RAPGEF5: variants seen among roughly 807,000 people sequenced by gnomAD.
RAPGEF5 encodes the protein Rap guanine nucleotide exchange factor 5.
RAPGEF5 carries 65 observed loss-of-function variants against 125.2 expected under a neutral mutation model. That is an observed-to-expected ratio of 0.52 (90% confidence interval 0.43 to 0.64). The LOEUF is 0.64. Ranked by LOEUF, RAPGEF5 falls within the 30% of genes least tolerant of loss-of-function variation. The probability of loss-of-function intolerance (pLI) is 0.00; values close to 1 mark genes in which losing one functional copy is unlikely to be tolerated. For missense variants in RAPGEF5, 958 were observed against 1,048.1 expected (o/e 0.91, Z 1.19); for synonymous variants, 391 against 385.9 (o/e 1.01, Z -0.16).
At chr7:22,316,540 G>T (rs1019891230) in intron 2 of RAPGEF5, among the ~76,000 whole-genome samples, 1 of 139,948 alleles carries the variant, frequency 7.1e-6, no homozygotes, top group African/African-American at 2.7e-5. Flanking sequence ...ACCCAAGCTG[G>T]AGTTCAGTGG....
intron 5 of RAPGEF5, 100 bp from the exon 6 acceptor site, chr7:22,291,341 A>C: frequency 7.0e-7 from 1 of 1,430,532 alleles, no homozygotes; most frequent in Non-Finnish European, 9.1e-7. Flanking sequence ...CATTGTTATT[A>C]TATTAGCAAA....
intron 7 of RAPGEF5, among the ~76,000 whole-genome samples, chr7:22,258,451 T>C (rs533973764): frequency 3.8e-4 from 57 of 151,624 alleles, no homozygotes; most frequent in African/African-American, 1.4e-3. Flanking sequence ...AGAAACCCTG[T>C]CTCTACTAAA....
Position 22,308,481 on chromosome 7 carries a change from T to C in RAPGEF5, c.538A>G (p.Thr180Ala). The change falls in exon 5 of 26, where the codon ACT becomes GCT. Residue 180 changes from threonine (T) to alanine (A), a missense_variant. Transcript: ENST00000665637. ...GAGGAAAACTGGTAGAAAACATAAGTATCTTGAAAGTATAGATGCTGGTCC... is the reference window on the plus strand; with the variant it reads ...GAGGAAAACTGGTAGAAAACATAAGCATCTTGAAAGTATAGATGCTGGTCC... ...SVDQHLYFQD[T>A]YVFYQFSSDE... is the part of the protein sequence containing the mutation. The C allele has an allele frequency of 6.4e-7, 1 of 1,563,018 alleles. No individual in the cohort carries two copies. Among genetic ancestry groups the C allele is most frequent in the Non-Finnish European group, 8.7e-7 (1 of 1,152,040 alleles).
intron 5 of RAPGEF5, among the ~76,000 whole-genome samples, chr7:22,292,121 C>A (rs1248672206): frequency 6.6e-6 from 1 of 152,116 alleles, no homozygotes; most frequent in East Asian, 1.9e-4. Context: ...GGTCACTGCC[C>A]TGCAGAGCAG....
At chr7:22,317,322 G>A (rs1783623823) in intron 2 of RAPGEF5, among the ~76,000 whole-genome samples, 1 of 149,632 alleles carries the variant, frequency 6.7e-6, no homozygotes, top group South Asian at 2.1e-4. Flanking sequence ...CTCACTGCAA[G>A]CTCCGCCTCC....
intron 7 of RAPGEF5, among the ~76,000 whole-genome samples, chr7:22,235,612 G>A (rs182826814): frequency 4.6e-5 from 7 of 152,330 alleles, no homozygotes; most frequent in African/African-American, 1.7e-4. Flanking sequence ...TACATGTTCT[G>A]TGGGTTGTGG....
intron 1 of RAPGEF5, among the ~76,000 whole-genome samples, chr7:22,329,187 C>T (rs990363205): frequency 2.0e-5 from 3 of 152,208 alleles, no homozygotes; most frequent in Admixed American, 2.0e-4. Context: ...TGCTTTCAAT[C>T]TGCATGAAAT....
chr7:22,305,383 T>G (rs1783312711), intron 5 of RAPGEF5, among the ~76,000 whole-genome samples: 1 of 152,200 alleles, frequency 6.6e-6, no homozygotes, highest in South Asian at 2.1e-4. Context: ...GTATTGTCAT[T>G]TAACAGGAGA....
At chr7:22,130,182 AG>A (rs3840577) in intron 24 of RAPGEF5, among the ~76,000 whole-genome samples, 2,044 of 152,344 alleles carry the variant, frequency 0.013, 20 homozygotes, top group East Asian at 0.04. Flanking sequence ...TTAACCATGA[AG>A]GACAGTTTAC....
At chr7:22,344,838 C>A (rs1583593958) in intron 1 of RAPGEF5, among the ~76,000 whole-genome samples, 1 of 152,310 alleles carries the variant, frequency 6.6e-6, no homozygotes, top group African/African-American at 2.4e-5. Flanking sequence ...CAATAAAGTT[C>A]TTATAGTCAG....
chr7:22,222,504 G>T (rs1040711756), intron 8 of RAPGEF5, among the ~76,000 whole-genome samples: 2 of 152,184 alleles, frequency 1.3e-5, no homozygotes, highest in Non-Finnish European at 2.9e-5. Flanking sequence ...CAGAGGAACA[G>T]CAAGTACAAG....
intron 20 of RAPGEF5, among the ~76,000 whole-genome samples, chr7:22,141,064 TG>T (rs142016875): frequency 0.02 from 3,082 of 152,316 alleles, 113 homozygotes; most frequent in African/African-American, 0.071. Context: ...ATGTCTCACA[TG>T]GAATCTGGGA....
chr7:22,177,852 G>A (rs1784555940), intron 11 of RAPGEF5, among the ~76,000 whole-genome samples: 2 of 152,114 alleles, frequency 1.3e-5, no homozygotes, highest in Non-Finnish European at 2.9e-5. Flanking sequence ...AACCCATCCG[G>A]TTTAGGGGAA....
chr7:22,258,648 AAG>A (rs1369433085), intron 7 of RAPGEF5, among the ~76,000 whole-genome samples: 8 of 147,078 alleles, frequency 5.4e-5, no homozygotes, highest in Admixed American at 1.4e-4. Flanking sequence ...AAAAAAAAAA[AAG>A]AATAGACAAA....
intron 11 of RAPGEF5, 177 bp downstream of exon 11, chr7:22,193,190 A>C (rs1785048993): frequency 3.0e-6 from 2 of 661,344 alleles, no homozygotes; most frequent in Non-Finnish European, 5.1e-6. Context: ...TGGGATCTAC[A>C]TGTGTCCATT....
chr7:22,316,848 T>C (rs1783609761), intron 2 of RAPGEF5, among the ~76,000 whole-genome samples: 2 of 151,812 alleles, frequency 1.3e-5, no homozygotes, highest in South Asian at 4.2e-4. Flanking sequence ...ATATAATGAT[T>C]ATGATTTGAC....
chr7:22,178,692 G>A (rs534191972), intron 11 of RAPGEF5, among the ~76,000 whole-genome samples: 1 of 152,262 alleles, frequency 6.6e-6, no homozygotes, highest in Non-Finnish European at 1.5e-5. Context: ...CTATCTTCAT[G>A]GCACATGGAT....
chr7:22,138,631 G>A (rs1452996582), intron 21 of RAPGEF5, among the ~76,000 whole-genome samples: 2 of 152,300 alleles, frequency 1.3e-5, no homozygotes, highest in East Asian at 1.9e-4. Flanking sequence ...CCCAGAGGCA[G>A]AATGAGTCCC....
chr7:22,171,004 T>C (rs902556379), intron 11 of RAPGEF5, among the ~76,000 whole-genome samples: 2 of 151,916 alleles, frequency 1.3e-5, no homozygotes, highest in Non-Finnish European at 2.9e-5. Context: ...AGCTTTCCTT[T>C]ATTCTTTTCC....
Sources: allele counts gnomAD v4.1 joint callset (sites outside exome capture counted in the v4.1 genomes callset), GRCh38; gene constraint gnomAD v4.1.1; transcripts MANE v1.5; gene names NCBI Gene and HGNC (gene_info 2026-07-23, HGNC 2026-07-21).